Variants in PMFBP1 observed in about 807,000 individuals in gnomAD.
PMFBP1 encodes the protein polyamine-modulated factor 1-binding protein 1.
A neutral mutation model predicts 137.8 loss-of-function variants in PMFBP1; 131 were observed. The observed-to-expected ratio is 0.95, with a 90% CI of 0.82 to 1.10. PMFBP1 has a LOEUF of 1.10. PMFBP1 is among the 50% of genes least tolerant of loss of function. The pLI, the probability that PMFBP1 is intolerant of heterozygous loss-of-function variation, is 0.00. For missense variants in PMFBP1, 1,199 were observed against 1,175.4 expected (o/e 1.02, Z -0.29); for synonymous variants, 490 against 450.4 (o/e 1.09, Z -1.11).
At chr16:72,173,884 T>G (rs1567645931), upstream of PMFBP1, 1 of 152,300 alleles carries the variant, frequency 6.6e-6, no homozygotes, top group Non-Finnish European at 1.5e-5. Flanking sequence ...AAGCCAGGAC[T>G]TTGCTCATGT....
At chr16:72,193,932 C>T in the PMFBP1 span, among the ~76,000 whole-genome samples, 20 of 151,712 alleles carry the variant, frequency 1.3e-4, no homozygotes, top group Non-Finnish European at 2.1e-4. Context: ...TACAACCTCC[C>T]CATGAGGTGG....
At chr16:72,219,655 T>A in the PMFBP1 span, among the ~76,000 whole-genome samples, 5 of 151,840 alleles carry the variant, frequency 3.3e-5, no homozygotes, top group Non-Finnish European at 5.9e-5. Flanking sequence ...CAGGTGGAGG[T>A]GGGACACCCA....
the PMFBP1 span, among the ~76,000 whole-genome samples, chr16:72,184,007 T>A: frequency 3.1e-4 from 47 of 152,310 alleles, no homozygotes; most frequent in African/African-American, 9.4e-4. Context: ...AGTGGCTACC[T>A]CTAGAAATAT....
At chr16:72,118,218 T>G (rs905545060), downstream of PMFBP1, among the ~76,000 whole-genome samples, 2 of 152,206 alleles carry the variant, frequency 1.3e-5, no homozygotes, top group Admixed American at 6.5e-5. Flanking sequence ...AGTACTAGAT[T>G]TTTCAATCTT....
chr16:72,209,752 C>A, the PMFBP1 span, among the ~76,000 whole-genome samples: 1 of 152,198 alleles, frequency 6.6e-6, no homozygotes, highest in African/African-American at 2.4e-5. Flanking sequence ...GTTGACCACA[C>A]ACAAGCTGGG....
At chr16:72,127,544 G>A (rs1005502364) in intron 14 of PMFBP1, among the ~76,000 whole-genome samples, 1 of 152,158 alleles carries the variant, frequency 6.6e-6, no homozygotes, top group Non-Finnish European at 1.5e-5. Context: ...AAATTACAGT[G>A]AAGCTAGAAG....
At chr16:72,154,559 T>C in intron 3 of PMFBP1, 100 bp from the exon 4 acceptor site, 1 of 1,325,064 alleles carries the variant, frequency 7.5e-7, no homozygotes, top group Non-Finnish European at 1.0e-6. Flanking sequence ...TTCACATCCA[T>C]CTATCCATCT....
chr16:72,197,430 G>C, the PMFBP1 span, among the ~76,000 whole-genome samples: 3 of 152,336 alleles, frequency 2.0e-5, no homozygotes, highest in Non-Finnish European at 4.4e-5. Flanking sequence ...TCTTTCTCCA[G>C]GGAGAAGCCA....
chr16:72,229,826 C>T, the PMFBP1 span, among the ~76,000 whole-genome samples: 1 of 152,084 alleles, frequency 6.6e-6, no homozygotes. Context: ...ATATTTGAAC[C>T]ATAAAAATTG....
intron 2 of PMFBP1, among the ~76,000 whole-genome samples, chr16:72,169,082 G>A (rs953874842): frequency 6.6e-6 from 1 of 152,138 alleles, no homozygotes; most frequent in African/African-American, 2.4e-5. Context: ...TCCCAGGGAT[G>A]TGGCATTTCA....
the PMFBP1 span, among the ~76,000 whole-genome samples, chr16:72,226,816 C>CT: frequency 3.9e-5 from 6 of 152,058 alleles, no homozygotes; most frequent in African/African-American, 1.2e-4. Context: ...CAAGAGAGAC[C>CT]TTTTGTCAGT....
the PMFBP1 span, among the ~76,000 whole-genome samples, chr16:72,191,875 C>T: frequency 2.0e-5 from 3 of 152,140 alleles, no homozygotes; most frequent in Non-Finnish European, 2.9e-5. Context: ...CATGAGAACC[C>T]GATTTTACAT....
intron 14 of PMFBP1, among the ~76,000 whole-genome samples, chr16:72,126,966 T>C (rs1025097871): frequency 2.6e-5 from 4 of 152,236 alleles, no homozygotes; most frequent in African/African-American, 9.6e-5. Flanking sequence ...GGGCTTTGTT[T>C]TACTATACGA....
At chr16:72,164,713 G>A in intron 3 of PMFBP1, 51 bp downstream of exon 3, 1 of 1,542,706 alleles carries the variant, frequency 6.5e-7, no homozygotes, top group East Asian at 2.3e-5. Flanking sequence ...CAAGGGAGCA[G>A]AGGCAGAAGT....
At chr16:72,118,696 T>C (rs1250482145), downstream of PMFBP1, among the ~76,000 whole-genome samples, 3 of 152,178 alleles carry the variant, frequency 2.0e-5, no homozygotes, top group East Asian at 3.9e-4. Context: ...TTCACTTGTA[T>C]TGAGGTGGCT....
At chr16:72,201,612 C>T in the PMFBP1 span, among the ~76,000 whole-genome samples, 1 of 152,220 alleles carries the variant, frequency 6.6e-6, no homozygotes, top group Non-Finnish European at 1.5e-5. Context: ...CTGCCAATCA[C>T]AATCCTTTAA....
chr16:72,155,941 T>C (rs1349957140), intron 3 of PMFBP1, among the ~76,000 whole-genome samples: 2 of 152,154 alleles, frequency 1.3e-5, no homozygotes, highest in African/African-American at 2.4e-5. Context: ...GTTTCACATA[T>C]GGAATTGTAT....
chr16:72,241,460 T>A, the PMFBP1 span, among the ~76,000 whole-genome samples: 833 of 152,354 alleles, frequency 5.5e-3, 7 homozygotes, highest in African/African-American at 0.019. Context: ...AAAGCCATCA[T>A]ACCTAACAGT....
At position 72,136,505 on chromosome 16, in the gene PMFBP1, C is replaced by A. The variant is rs1219709525; in HGVS notation, c.1146G>T (p.Leu382=). The A allele has an allele frequency of 2.5e-6, 4 of 1,613,954 alleles. No individual in the cohort carries two copies. Among genetic ancestry groups the A allele is most frequent in the Non-Finnish European group, 3.4e-6 (4 of 1,180,002 alleles). Residue 382 remains leucine, a synonymous_variant, in exon 9 of 21, where the codon CTG becomes CTT. Transcript: ENST00000237353. ...CGGTGAACTCCAGCTGCAGCTCCTG[C>A]AGCCGGCACTGCAGGATGGTGATGT... ...DKDITILQCR[L]QELQLEFTET... is the part of the protein sequence containing the mutation.
Sources: gnomAD v4.1 joint callset for allele counts (sites outside exome capture counted in the v4.1 genomes callset) on GRCh38, gnomAD v4.1.1 for gene constraint, MANE v1.5 for transcripts, NCBI Gene and HGNC (gene_info 2026-07-23, HGNC 2026-07-21) for gene names.